Variants in CDH4 observed in about 807,000 individuals in gnomAD.
The protein encoded by CDH4 is cadherin-4.
A neutral mutation model predicts 86.0 loss-of-function variants in CDH4; 33 were observed. The observed-to-expected ratio is 0.38, with a 90% confidence interval of 0.29 to 0.51. The LOEUF (loss-of-function observed/expected upper bound fraction) is 0.51. CDH4 is among the 20% of genes least tolerant of loss of function. The probability of loss-of-function intolerance (pLI) is 0.86; values close to 1 mark genes in which losing one functional copy is unlikely to be tolerated. For missense variants in CDH4, 1,114 were observed against 1,307.4 expected, an observed-to-expected ratio of 0.85 and a Z score of 2.28; for synonymous variants, 555 against 549.4, an observed-to-expected ratio of 1.01 and a Z score of -0.14.
At chr20:61,592,498 C>T (rs2086525509) in intron 2 of CDH4, among the ~76,000 whole-genome samples, 1 of 144,000 alleles carries the variant, frequency 6.9e-6, no homozygotes, top group Non-Finnish European at 1.5e-5. Flanking sequence ...TTGGAAAGTA[C>T]AATTTATGAT....
rs183414280 is a variant in CDH4 at position 61,368,060 on chromosome 20, G to A, written c.169+113123G>A. 9.1e-3 allele frequency among the ~76,000 whole-genome samples: 1,384 copies of A among 152,010 alleles called. 15 individuals are homozygous for A. Among genetic ancestry groups the A allele is most frequent in the Middle Eastern group, 0.031 (9 of 294 alleles). On this transcript the variant is annotated intron_variant, in intron 2 of 15. Transcript: ENST00000614565. ...TAACTTTTGTATTTTTAGTAGAGAT[G>A]GGGTTTCACCATGTTGGTCAGGCTG...
In CDH4 at chr20:61,307,236, A is replaced by T. The variant is rs558302312; in HGVS notation, c.169+52299A>T. The stretch of plus-strand genomic sequence containing the variant: ...TTGCACTCAGCACCTACATGCTCCA[A>T]CACGCCTTGCATGTATCATTAGGCA... On this transcript the variant is annotated intron_variant, in intron 2 of 15. Coordinates refer to ENST00000614565, the MANE Select transcript of CDH4 (RefSeq NM_001794.5). Among the ~76,000 whole-genome samples, 7 of 152,350 alleles carry T rather than the reference A, an allele frequency of 4.6e-5. No individual in the cohort carries two copies. The East Asian group carries it at 1.4e-3, about 29-fold the overall frequency.
chr20:61,612,284 C>T (rs2086691275), intron 2 of CDH4, among the ~76,000 whole-genome samples: 1 of 152,092 alleles, frequency 6.6e-6, no homozygotes, highest in South Asian at 2.1e-4. Flanking sequence ...ATCATTATAA[C>T]CTGTAGTTAA....
chr20:61,528,832 G>A (rs2085931923), intron 2 of CDH4, among the ~76,000 whole-genome samples: 1 of 150,840 alleles, frequency 6.6e-6, no homozygotes, highest in Admixed American at 6.6e-5. Context: ...CTTGGAAGGG[G>A]AACTCGTGAT....
intron 2 of CDH4, among the ~76,000 whole-genome samples, chr20:61,460,625 T>A (rs1331631618): frequency 6.6e-6 from 1 of 152,144 alleles, no homozygotes; most frequent in African/African-American, 2.4e-5. Flanking sequence ...CACGGAGGCG[T>A]CCCTAAGTGG....
Position 61,393,457 on chromosome 20 carries a change from C to G in CDH4, c.169+138520C>G, listed in dbSNP as rs576929325. Among the ~76,000 whole-genome samples the G allele has an allele frequency of 6.6e-6, 1 of 152,166 alleles. No individual in the cohort carries two copies. The highest frequency in any genetic ancestry group is 1.5e-5 in the Non-Finnish European group (1 of 68,024). Reference sequence around the variant, plus strand: ...CAAAATTAAACCTGGATGCTTTGATCGCTGGCAGTAAGCGACACGCTGAAC... The same window carrying G: ...CAAAATTAAACCTGGATGCTTTGATGGCTGGCAGTAAGCGACACGCTGAAC... On this transcript the variant is annotated intron_variant, in intron 2 of 15. Transcript: ENST00000614565. This position sits in a 1 kb window ranked among gnomAD's most constrained non-coding sequence, Gnocchi z 4.3.
intron 4 of CDH4, among the ~76,000 whole-genome samples, chr20:61,819,220 C>G (rs1260488795): frequency 6.6e-6 from 1 of 152,192 alleles, no homozygotes; most frequent in Non-Finnish European, 1.5e-5. Flanking sequence ...CTGTAGGGAC[C>G]AAGGTAAGTG....
chr20:61,606,547 C>G (rs2086647072), intron 2 of CDH4, among the ~76,000 whole-genome samples: 1 of 152,254 alleles, frequency 6.6e-6, no homozygotes, highest in East Asian at 1.9e-4. Flanking sequence ...CTCCCTCTCC[C>G]AGTTCCTCTG....
chr20:61,445,516 C>T (rs1456956167), intron 2 of CDH4, among the ~76,000 whole-genome samples: 2 of 152,178 alleles, frequency 1.3e-5, no homozygotes, highest in East Asian at 3.9e-4. Context: ...TGGGCAAGAC[C>T]AATGCCCCTC....
intron 8 of CDH4, 72 bp from the exon 9 acceptor site, chr20:61,910,350 T>C (rs2054836144): frequency 1.5e-6 from 2 of 1,315,536 alleles, no homozygotes; most frequent in South Asian, 1.3e-5. Flanking sequence ...GCTGCACATA[T>C]GCTACGTGCA....
In CDH4 at chr20:61,516,075, C is replaced by T. The variant is rs965425430; in HGVS notation, c.170-227488C>T. Among the ~76,000 whole-genome samples, 2 of 152,320 alleles carry T rather than the reference C, an allele frequency of 1.3e-5. No individual in the cohort carries two copies. The highest frequency in any genetic ancestry group is 4.8e-5 in the African/African-American group (2 of 41,572). ...GATTCCACCGCAGGCAGGCAGCTCC[C>T]TCACCACAGGGGCTCGCCTCGTGCT... On this transcript the variant is annotated intron_variant, in intron 2 of 15. Transcript: ENST00000614565. The surrounding 1 kb of genome is among the most constrained non-coding windows in gnomAD (Gnocchi z 4.0).
chr20:61,613,062 T>C (rs1033401432), intron 2 of CDH4, among the ~76,000 whole-genome samples: 2 of 152,044 alleles, frequency 1.3e-5, no homozygotes, highest in Admixed American at 1.3e-4. Flanking sequence ...AAGCTTGCAG[T>C]GTGAGGCTTC....
chr20:61,733,250 C>T (rs35066706), intron 2 of CDH4, among the ~76,000 whole-genome samples: 17,048 of 152,130 alleles, frequency 0.11, 1,420 homozygotes, highest in East Asian at 0.39. Context: ...GAGCAAGTTC[C>T]GGGCAGTGGC....
chr20:61,414,311 C>T (rs2145494272), intron 2 of CDH4, among the ~76,000 whole-genome samples: 1 of 152,352 alleles, frequency 6.6e-6, no homozygotes, highest in South Asian at 2.1e-4. Context: ...GCCCTGATGC[C>T]TGCAGGAAGT....
In CDH4 at chr20:61,844,728, G is replaced by A. The variant is rs761076748; in HGVS notation, c.637G>A (p.Asp213Asn). ...IRYSITGVGA[D>N]QPPMEVFSID... ...GTACAGCATCACGGGAGTGGGCGCCGACCAGCCCCCCATGGAGGTCTTCAG... is the reference window on the plus strand; with the variant it reads ...GTACAGCATCACGGGAGTGGGCGCCAACCAGCCCCCCATGGAGGTCTTCAG... Residue 213 changes from aspartate (D) to asparagine (N), a missense_variant, in exon 5 of 16, where the codon GAC becomes AAC. Physicochemically the swap from Asp to Asn is conservative, Grantham distance 23 (BLOSUM62 1). This residue lies in a region of CDH4 where 705 missense variants were observed against 914.1 expected (regional missense o/e 0.77). Transcript: ENST00000614565. 11 of 1,613,966 alleles carry A rather than the reference G, an allele frequency of 6.8e-6. No individual in the cohort carries two copies. Among genetic ancestry groups the A allele is most frequent in the Non-Finnish European group, 9.3e-6 (11 of 1,179,904 alleles).
chr20:61,321,200 G>A lies in CDH4; in HGVS notation c.169+66263G>A, dbSNP rs560690749. Among the ~76,000 whole-genome samples, 14 of 152,306 alleles carry A rather than the reference G, an allele frequency of 9.2e-5. No individual in the cohort carries two copies. The East Asian group carries it at 2.3e-3, about 25-fold the overall frequency. On this transcript the variant is annotated intron_variant, in intron 2 of 15. Transcript: ENST00000614565. ...TCATTAGTCGTTGATTGAGGTCAGA[G>A]AGCTCTGGCGTTTATTTAACTCTGC...
At position 61,681,612 on chromosome 20, in the gene CDH4, C is replaced by T. The variant is rs2087513591; in HGVS notation, c.170-61951C>T. Among the ~76,000 whole-genome samples the T allele has an allele frequency of 6.6e-6, 1 of 152,164 alleles. No homozygotes were observed. The highest frequency in any genetic ancestry group is 2.4e-5 in the African/African-American group (1 of 41,436). ...ATCATCTAGCAGCTGGGAGGAGTCT[C>T]AGGATCCCCCTGCAGGAAGCCCGGA... On this transcript the variant is annotated intron_variant, in intron 2 of 15. Transcript: ENST00000614565. This position sits in a 1 kb window ranked among gnomAD's most constrained non-coding sequence, Gnocchi z 4.5.
At chr20:61,927,918 G>T (rs1041849897) in intron 11 of CDH4, among the ~76,000 whole-genome samples, 2 of 152,218 alleles carry the variant, frequency 1.3e-5, no homozygotes, top group Non-Finnish European at 2.9e-5. Flanking sequence ...GGGTGTGGCC[G>T]TGTGCTTTGC....
intron 2 of CDH4, among the ~76,000 whole-genome samples, chr20:61,561,357 G>A (rs554840437): frequency 2.0e-5 from 3 of 152,302 alleles, no homozygotes; most frequent in East Asian, 1.9e-4. Context: ...CGTCATCCCC[G>A]TTTTGCAGAT....
Sources: allele counts gnomAD v4.1 joint callset (sites outside exome capture counted in the v4.1 genomes callset), GRCh38; gene constraint gnomAD v4.1.1; regional missense constraint gnomAD v4.1.1; non-coding constraint Gnocchi (gnomAD v3.1); transcripts MANE v1.5; gene names NCBI Gene and HGNC (gene_info 2026-07-23, HGNC 2026-07-21).